The following ANKS1B variants were observed in gnomAD, a reference collection of about 807,000 sequenced individuals.
ANKS1B encodes ankyrin repeat and sterile alpha motif domain-containing protein 1B.
A neutral mutation model predicts 148.3 loss-of-function variants in ANKS1B; 36 were observed. The ratio of observed to expected loss-of-function variants is 0.24; its 90% CI spans 0.19 to 0.32. The LOEUF is 0.32. Among genes scored for constraint, ANKS1B ranks in the 10% least tolerant of loss-of-function variants. The pLI, the probability that ANKS1B is intolerant of heterozygous loss-of-function variation, is 1.00. For synonymous variants in ANKS1B, 542 were observed against 560.8 expected (o/e 0.97, Z 0.47); for missense variants, 1,157 against 1,542.6 (o/e 0.75, Z 4.19).
At chr12:99,713,974 C>T (rs1333271433) in intron 8 of ANKS1B, among the ~76,000 whole-genome samples, 1 of 152,194 alleles carries the variant, frequency 6.6e-6, no homozygotes, top group African/African-American at 2.4e-5. Context: ...AAACAATGCA[C>T]ATTTATCTTC....
chr12:98,814,452 C>T (rs933374531), intron 19 of ANKS1B, among the ~76,000 whole-genome samples: 2 of 152,244 alleles, frequency 1.3e-5, no homozygotes, highest in Non-Finnish European at 2.9e-5. Context: ...ATTGGTGCCA[C>T]TTGTGCCTTT....
At chr12:99,228,994 A>C (rs1348615829) in intron 14 of ANKS1B, among the ~76,000 whole-genome samples, 3 of 151,968 alleles carry the variant, frequency 2.0e-5, no homozygotes, top group African/African-American at 7.2e-5. Flanking sequence ...ATACTTCTTT[A>C]TTAAATAATT....
At position 99,693,781 on chromosome 12, in the gene ANKS1B, CT is replaced by C. The variant is rs397851171; in HGVS notation, c.1129-38572del. Among the ~76,000 whole-genome samples, 1,102 of 132,652 alleles carry C rather than the reference CT, an allele frequency of 8.3e-3. 1 individual carries two copies. Among genetic ancestry groups the C allele is most frequent in the African/African-American group, 8.9e-3 (319 of 35,666 alleles). The allele number at this position is 132,652 out of a possible 152,430, so 87.0% of individuals were successfully genotyped here. ...GGTCTTTCAACAAATATTTTTTGGA[CT>C]TTTTTTTTTTTTTTTTGAGATGGAA... On this transcript the variant is annotated intron_variant, in intron 8 of 26. Transcript: ENST00000683438.
At chr12:99,392,634 A>G (rs546269719) in intron 12 of ANKS1B, among the ~76,000 whole-genome samples, 1 of 152,336 alleles carries the variant, frequency 6.6e-6, no homozygotes, top group East Asian at 1.9e-4. Flanking sequence ...CTTTTTGGAC[A>G]CAGCTTTCTA....
intron 9 of ANKS1B, among the ~76,000 whole-genome samples, chr12:99,623,886 C>G (rs559052387): frequency 3.3e-5 from 5 of 151,966 alleles, no homozygotes; most frequent in Admixed American, 3.3e-4. Flanking sequence ...TTATTTTTCA[C>G]AGAACTAGAA....
At chr12:99,667,161 C>T (rs2098512450) in intron 8 of ANKS1B, among the ~76,000 whole-genome samples, 1 of 151,930 alleles carries the variant, frequency 6.6e-6, no homozygotes. Flanking sequence ...GCCTGGCCAA[C>T]ATGATGAAAC....
At chr12:99,365,290 A>G (rs1356328255) in intron 12 of ANKS1B, among the ~76,000 whole-genome samples, 1 of 152,228 alleles carries the variant, frequency 6.6e-6, no homozygotes, top group Non-Finnish European at 1.5e-5. Context: ...TTGGTAGCCC[A>G]GAGCTCTGAA....
chr12:99,279,535 A>G (rs2078115395), intron 12 of ANKS1B, among the ~76,000 whole-genome samples: 1 of 152,152 alleles, frequency 6.6e-6, no homozygotes. Context: ...CCTATTCTAG[A>G]CACTTCATAT....
chr12:99,520,536 A>T (rs565111898), intron 9 of ANKS1B, among the ~76,000 whole-genome samples: 2 of 152,108 alleles, frequency 1.3e-5, no homozygotes, highest in African/African-American at 4.8e-5. Flanking sequence ...TGATTATTAA[A>T]TACCTTGAAG....
chr12:99,649,409 C>T (rs1240961589), intron 9 of ANKS1B: 1 of 1,587,310 alleles, frequency 6.3e-7, no homozygotes, highest in Non-Finnish European at 8.7e-7. Flanking sequence ...ATCCAACATA[C>T]CTCCCACATA....
intron 1 of ANKS1B, among the ~76,000 whole-genome samples, chr12:99,891,440 G>C (rs2153748198): frequency 6.6e-6 from 1 of 152,168 alleles, no homozygotes; most frequent in East Asian, 1.9e-4. Context: ...GGCTGGTCTT[G>C]AACTCCTGGG....
At chr12:99,148,633 C>G (rs1205655573) in intron 15 of ANKS1B, among the ~76,000 whole-genome samples, 1 of 152,054 alleles carries the variant, frequency 6.6e-6, no homozygotes, top group African/African-American at 2.4e-5. Flanking sequence ...CTAGACTACT[C>G]ATTAGATTGA....
intron 15 of ANKS1B, among the ~76,000 whole-genome samples, chr12:99,099,319 G>A (rs1000767875): frequency 3.3e-5 from 5 of 152,240 alleles, no homozygotes; most frequent in African/African-American, 9.6e-5. Flanking sequence ...ATCCTTTGCG[G>A]GGTGGGGGTC....
intron 25 of ANKS1B, among the ~76,000 whole-genome samples, chr12:98,768,561 G>C (rs113499825): frequency 0.074 from 11,175 of 150,802 alleles, 461 homozygotes; most frequent in Non-Finnish European, 0.096. Context: ...GGTGAAACCC[G>C]GTCTCTACTA....
intron 1 of ANKS1B, among the ~76,000 whole-genome samples, chr12:99,838,941 T>C (rs1033208318): frequency 1.1e-4 from 17 of 152,200 alleles, no homozygotes; most frequent in African/African-American, 4.1e-4. Context: ...TTTGTTACAT[T>C]CATCTATCTT....
intron 3 of ANKS1B, among the ~76,000 whole-genome samples, chr12:99,809,803 C>T (rs915992568): frequency 6.6e-6 from 1 of 151,966 alleles, no homozygotes; most frequent in Non-Finnish European, 1.5e-5. Flanking sequence ...CAGAATGAAG[C>T]CCTGACTATA....
At chr12:99,634,561 T>C (rs1474307707) in intron 9 of ANKS1B, among the ~76,000 whole-genome samples, 2 of 152,190 alleles carry the variant, frequency 1.3e-5, no homozygotes, top group African/African-American at 4.8e-5. Context: ...ACCATGTCCC[T>C]GAGTAAAATA....
chr12:99,055,740 G>T (rs1310024671), intron 16 of ANKS1B, among the ~76,000 whole-genome samples: 1 of 151,940 alleles, frequency 6.6e-6, no homozygotes, highest in Non-Finnish European at 1.5e-5. Flanking sequence ...GGGAGGTGGT[G>T]AGGAAAATAA....
chr12:98,881,346 A>G (rs1227425818), intron 17 of ANKS1B, among the ~76,000 whole-genome samples: 1 of 152,172 alleles, frequency 6.6e-6, no homozygotes, highest in Non-Finnish European at 1.5e-5. Flanking sequence ...AGCAAGAGCT[A>G]TATTTTATTG....
Sources: gnomAD v4.1 joint callset for allele counts (sites outside exome capture counted in the v4.1 genomes callset) on GRCh38, gnomAD v4.1.1 for gene constraint, MANE v1.5 for transcripts, NCBI Gene and HGNC (gene_info 2026-07-23, HGNC 2026-07-21) for gene names.